Variants in DOCK5 observed in about 807,000 individuals in gnomAD.
The protein encoded by DOCK5 is dedicator of cytokinesis protein 5.
A neutral mutation model predicts 251.8 loss-of-function variants in DOCK5; 142 were observed. The ratio of observed to expected loss-of-function variants is 0.56; its 90% CI spans 0.49 to 0.65. The LOEUF is 0.65. Among genes scored for constraint, DOCK5 ranks in the 30% least tolerant of loss-of-function variants. The pLI is 0.00. For missense variants in DOCK5, 2,111 were observed against 2,312.3 expected, an observed-to-expected ratio of 0.91 and a Z score of 1.79; for synonymous variants, 842 against 835.5, an observed-to-expected ratio of 1.01 and a Z score of -0.13.
intron 1 of DOCK5, among the ~76,000 whole-genome samples, chr8:25,227,682 C>G (rs118145143): frequency 1.3e-5 from 2 of 152,094 alleles, no homozygotes; most frequent in African/African-American, 4.8e-5. Context: ...AAGTGAGGTT[C>G]TAATCCTATT....
At chr8:25,383,736 T>C (rs1801109847) in intron 40 of DOCK5, among the ~76,000 whole-genome samples, 1 of 152,072 alleles carries the variant, frequency 6.6e-6, no homozygotes, top group African/African-American at 2.4e-5. Flanking sequence ...ATGCCTGTAA[T>C]CTCAGCTACT....
intron 26 of DOCK5, among the ~76,000 whole-genome samples, chr8:25,348,523 G>C (rs1374420075): frequency 6.6e-6 from 1 of 152,174 alleles, no homozygotes; most frequent in Non-Finnish European, 1.5e-5. Flanking sequence ...CTTCTAGGGA[G>C]ATTCTTGTGT....
chr8:25,280,780 G>A (rs780461512), intron 5 of DOCK5, among the ~76,000 whole-genome samples: 4 of 152,088 alleles, frequency 2.6e-5, no homozygotes, highest in Non-Finnish European at 5.9e-5. Context: ...TGTCAGCCCC[G>A]TGGCCTTCAT....
intron 40 of DOCK5, among the ~76,000 whole-genome samples, chr8:25,386,376 T>A (rs1801164641): frequency 6.6e-6 from 1 of 151,996 alleles, no homozygotes; most frequent in Non-Finnish European, 1.5e-5. Context: ...AGCCCAGGAG[T>A]TTGAGACCAG....
chr8:25,361,836 G>A (rs1800687417), intron 28 of DOCK5, among the ~76,000 whole-genome samples: 1 of 152,086 alleles, frequency 6.6e-6, no homozygotes, highest in South Asian at 2.1e-4. Context: ...CAGCATCTCA[G>A]AAAAATATGG....
chr8:25,324,547 A>C (rs931641134), intron 17 of DOCK5, among the ~76,000 whole-genome samples: 3 of 152,346 alleles, frequency 2.0e-5, no homozygotes, highest in Admixed American at 2.0e-4. Flanking sequence ...AGATGCATCT[A>C]CCTGAGGAAT....
rs749827503 is a variant in DOCK5, at chr8:25,275,456, A to AG, written c.224+17dup. ...GAAGACCTGGGGTAAGTTCCAAGCTAGGAAGATTCCCCAAAAATGATGAAG... is the reference window on the plus strand; with the variant it reads ...GAAGACCTGGGGTAAGTTCCAAGCTAGGGAAGATTCCCCAAAAATGATGAAG... On this transcript the variant is annotated intron_variant, in intron 4 of 51. Transcript: ENST00000276440. 1.9e-6 allele frequency: 3 copies of AG among 1,601,272 alleles called. No individual in the cohort carries two copies. In the South Asian group the frequency reaches 3.4e-5, roughly 18 times the overall value.
At chr8:25,198,405 C>T (rs569584728) in intron 1 of DOCK5, among the ~76,000 whole-genome samples, 2 of 152,110 alleles carry the variant, frequency 1.3e-5, no homozygotes, top group South Asian at 2.1e-4. Context: ...AACCCCATCT[C>T]GACTAAAAAT....
intron 47 of DOCK5, among the ~76,000 whole-genome samples, chr8:25,402,397 C>T (rs1801454278): frequency 6.6e-6 from 1 of 152,108 alleles, no homozygotes; most frequent in South Asian, 2.1e-4. Context: ...CCCAGGTTCA[C>T]ACCATTCTCC....
At chr8:25,317,155 C>T in intron 14 of DOCK5, 24 bp downstream of exon 14, 1 of 1,608,198 alleles carries the variant, frequency 6.2e-7, no homozygotes, top group Non-Finnish European at 8.5e-7. Flanking sequence ...CCCAGAAATC[C>T]TGCTACCATC....
In DOCK5 at chr8:25,359,002, A is replaced by G; in HGVS notation, c.2890A>G (p.Met964Val). 1 of 1,613,982 alleles carries G rather than the reference A, an allele frequency of 6.2e-7. No homozygotes were observed. The highest frequency in any genetic ancestry group is 2.2e-5 in the East Asian group (1 of 44,882). ...VACMIALLQQ[M>V]DDSHYSHYIS... ...TTGCATGATTGCCCTGCTGCAGCAAATGGACGACAGCCACTATAGCCACTA... is the reference window on the plus strand; with the variant it reads ...TTGCATGATTGCCCTGCTGCAGCAAGTGGACGACAGCCACTATAGCCACTA... The change falls in exon 28 of 52, where the codon ATG becomes GTG. Residue 964 changes from methionine (M) to valine (V), a missense_variant. Transcript: ENST00000276440.
chr8:25,367,485 C>G (rs972980606), intron 31 of DOCK5, among the ~76,000 whole-genome samples: 25 of 152,298 alleles, frequency 1.6e-4, no homozygotes, highest in African/African-American at 5.8e-4. Flanking sequence ...CATTGAGAGA[C>G]TGGAATCCAA....
Position 25,400,917 on chromosome 8 carries a change from C to G in DOCK5, c.4789-12C>G, listed in dbSNP as rs1801427915. 1 of 1,609,382 alleles carries G rather than the reference C, an allele frequency of 6.2e-7. No homozygotes were observed. Among genetic ancestry groups the G allele is most frequent in the Admixed American group, 1.7e-5 (1 of 58,620 alleles). On this transcript the variant is annotated splice_polypyrimidine_tract_variant and intron_variant, in intron 46 of 51. Transcript: ENST00000276440. ...GAAGCACACTGCACTCATTTTTTGC[C>G]CTTCTTTCCAGATGCCCCTGCTAAC...
intron 1 of DOCK5, among the ~76,000 whole-genome samples, chr8:25,185,984 G>A (rs575586794): frequency 6.6e-6 from 1 of 152,256 alleles, no homozygotes; most frequent in East Asian, 1.9e-4. Context: ...CTTCCTCTCA[G>A]ATCCATTCAT....
At chr8:25,204,323 A>G (rs968561334) in intron 1 of DOCK5, among the ~76,000 whole-genome samples, 4 of 152,188 alleles carry the variant, frequency 2.6e-5, no homozygotes, top group Non-Finnish European at 5.9e-5. Context: ...AGTGAAACTA[A>G]CAGAAGTATT....
rs1314015647 is a variant in DOCK5 at position 25,254,788 on chromosome 8, CA to C, written c.127+11035del. Among the ~76,000 whole-genome samples, 25 of 73,788 alleles carry C rather than the reference CA, an allele frequency of 3.4e-4. 5 individuals carry two copies. The highest frequency in any genetic ancestry group is 1.5e-3 in the African/African-American group (24 of 15,814). The allele number at this position is 73,788 out of a possible 152,430, so 48.4% of individuals were successfully genotyped here. On this transcript the variant is annotated intron_variant, in intron 2 of 51. Coordinates refer to ENST00000276440, the MANE Select transcript of DOCK5 (RefSeq NM_024940.8). ...GACTTTGTCTCAAAAAAAAACAAAA[CA>C]AAACAAAAAAAAAAAACATTTGATA...
intron 8 of DOCK5, 54 bp from the exon 9 acceptor site, chr8:25,300,522 A>T (rs1804734375): frequency 6.6e-7 from 1 of 1,517,584 alleles, no homozygotes; most frequent in East Asian, 2.3e-5. Flanking sequence ...GGGTAGCCTC[A>T]TCTCCAACCC....
At chr8:25,297,249 C>T (rs1236431831) in intron 7 of DOCK5, among the ~76,000 whole-genome samples, 1 of 151,496 alleles carries the variant, frequency 6.6e-6, no homozygotes. Flanking sequence ...CACCCACCAC[C>T]ACACCCGGCT....
At chr8:25,312,491 G>A (rs1805127946) in intron 13 of DOCK5, among the ~76,000 whole-genome samples, 1 of 152,160 alleles carries the variant, frequency 6.6e-6, no homozygotes, top group African/African-American at 2.4e-5. Flanking sequence ...GGCCAGGCCA[G>A]ATGGCTCACA....
Sources: allele counts gnomAD v4.1 joint callset (sites outside exome capture counted in the v4.1 genomes callset), GRCh38; gene constraint gnomAD v4.1.1; transcripts MANE v1.5; gene names NCBI Gene and HGNC (gene_info 2026-07-23, HGNC 2026-07-21).